ATF7IP: variants seen among roughly 807,000 people sequenced by gnomAD.
ATF7IP encodes the protein activating transcription factor 7-interacting protein 1.
A neutral mutation model predicts 106.4 loss-of-function variants in ATF7IP; 23 were observed. The ratio of observed to expected loss-of-function variants is 0.22; its 90% confidence interval spans 0.16 to 0.31. The LOEUF is 0.31. Ranked by LOEUF, ATF7IP falls within the 10% of genes least tolerant of loss-of-function variation. The pLI, the probability that ATF7IP is intolerant of heterozygous loss-of-function variation, is 1.00. For missense variants in ATF7IP, 1,334 were observed against 1,524.3 expected (o/e 0.88, Z 2.08); for synonymous variants, 542 against 539.0 (o/e 1.01, Z -0.08).
At chr12:14,464,375 A>T (rs1318731121) in intron 9 of ATF7IP, among the ~76,000 whole-genome samples, 1 of 152,184 alleles carries the variant, frequency 6.6e-6, no homozygotes, top group Non-Finnish European at 1.5e-5. Context: ...TATTTCTTCA[A>T]CCATTTCTTC....
intron 14 of ATF7IP, among the ~76,000 whole-genome samples, chr12:14,496,686 A>G (rs1020119413): frequency 5.9e-5 from 9 of 152,184 alleles, no homozygotes; most frequent in African/African-American, 2.2e-4. Context: ...TTCGTTCTAA[A>G]CTATGCCACA....
chr12:14,432,852 T>C (rs910323590), intron 2 of ATF7IP, among the ~76,000 whole-genome samples: 3 of 152,184 alleles, frequency 2.0e-5, no homozygotes, highest in Admixed American at 2.0e-4. Flanking sequence ...CAAGTTGCAA[T>C]GACGTAAGGG....
chr12:14,481,328 T>G, intron 13 of ATF7IP, 143 bp downstream of exon 13: 1 of 699,010 alleles, frequency 1.4e-6, no homozygotes, highest in East Asian at 2.7e-5. Context: ...TCAAGAGATC[T>G]GTACTACAAC....
chr12:14,421,342 G>T (rs146673707), intron 1 of ATF7IP, among the ~76,000 whole-genome samples: 2,018 of 152,178 alleles, frequency 0.013, 20 homozygotes, highest in Non-Finnish European at 0.019. Context: ...TTGTTTTGTG[G>T]TTTTCTTTTT....
intron 9 of ATF7IP, 170 bp from the exon 10 acceptor site, chr12:14,466,356 G>T: frequency 1.6e-6 from 1 of 622,406 alleles, no homozygotes. Context: ...AATCTGTATG[G>T]TATCTGAAAG....
chr12:14,425,186 T>C lies in ATF7IP; in HGVS notation c.1271T>C (p.Leu424Ser), dbSNP rs377580853. ...VIEDNKSENI[L>S]ENTDSMETDE... Reference sequence around the variant, plus strand: ...GAAGATAACAAAAGTGAGAATATCTTAGAAAATACAGACTCTATGGAGACA... The same window carrying C: ...GAAGATAACAAAAGTGAGAATATCTCAGAAAATACAGACTCTATGGAGACA... The change falls in exon 2 of 15, where the codon TTA (leucine) becomes TCA (serine). Residue 424 changes from leucine to serine, a missense_variant. Around this residue, in one of 10 missense-constraint regions of ATF7IP, gnomAD observed 438 missense variants for 405.3 expected, o/e 1.08. Coordinates refer to ENST00000261168, the MANE Select transcript of ATF7IP (RefSeq NM_018179.5). 4 of 1,596,936 alleles carry C rather than the reference T, an allele frequency of 2.5e-6. No homozygotes were observed. The highest frequency in any genetic ancestry group is 3.4e-6 in the Non-Finnish European group (4 of 1,175,356).
At chr12:14,451,867 G>C (rs936415207) in intron 6 of ATF7IP, among the ~76,000 whole-genome samples, 5 of 152,104 alleles carry the variant, frequency 3.3e-5, no homozygotes, top group African/African-American at 1.2e-4. Flanking sequence ...TGTCTGTTAG[G>C]TCCAATTAGC....
chr12:14,475,743 A>G lies in ATF7IP; in HGVS notation c.2863-147A>G, dbSNP rs1354728995. On this transcript the variant is annotated intron_variant, in intron 10 of 14. Transcript: ENST00000261168. Reference sequence around the variant, plus strand: ...GTATCCTGGGACATTTGTCTGACAAACTCTCTTTATTCAGGTACAGCCATT... The same window carrying G: ...GTATCCTGGGACATTTGTCTGACAAGCTCTCTTTATTCAGGTACAGCCATT... The G allele has an allele frequency of 7.1e-6, 4 of 565,788 alleles. No homozygotes were observed. The East Asian group carries it at 1.2e-4, about 17-fold the overall frequency. The allele number at this position is 565,788 out of a possible 1,614,324, so 35.0% of individuals were successfully genotyped here.
intron 1 of ATF7IP, among the ~76,000 whole-genome samples, chr12:14,388,804 T>C (rs1939389100): frequency 6.6e-6 from 1 of 152,084 alleles, no homozygotes; most frequent in African/African-American, 2.4e-5. Flanking sequence ...GCCACCAAGC[T>C]AATTTTTGTG....
chr12:14,432,356 T>A (rs550170539), intron 2 of ATF7IP, among the ~76,000 whole-genome samples: 1 of 152,132 alleles, frequency 6.6e-6, no homozygotes, highest in Admixed American at 6.5e-5. Flanking sequence ...CAGAAAGATA[T>A]GGAAAAATAT....
At chr12:14,465,916 A>C (rs1389007249) in intron 9 of ATF7IP, among the ~76,000 whole-genome samples, 1 of 152,174 alleles carries the variant, frequency 6.6e-6, no homozygotes, top group Non-Finnish European at 1.5e-5. Flanking sequence ...TAGGTGCAAA[A>C]AACCTTTGAT....
chr12:14,438,574 C>G (rs553029669), intron 5 of ATF7IP, among the ~76,000 whole-genome samples: 11 of 152,230 alleles, frequency 7.2e-5, no homozygotes, highest in Admixed American at 1.3e-4. Flanking sequence ...ACTGTAGCTT[C>G]TGTTGGTTTG....
rs960920870 is a variant in ATF7IP, at chr12:14,460,593, C to A, written c.2257C>A (p.Leu753Ile). The A allele has an allele frequency of 1.9e-6, 3 of 1,614,058 alleles. No individual in the cohort carries two copies. The Admixed American group carries it at 5.0e-5, about 27-fold the overall frequency. ...TSGSLTATSV[L>I]PAPNTATVVA... ...GGGTTCCCTCACAGCAACGTCAGTT[C>A]TTCCTGCACCCAATACAGCTACTGT... The change falls in exon 9 of 15, where the codon CTT becomes ATT. Residue 753 changes from leucine to isoleucine, a missense_variant. Leu to Ile is a conservative substitution (Grantham distance 5). This residue lies in a region of ATF7IP where 171 missense variants were observed against 172.6 expected (regional missense o/e 0.99). Transcript: ENST00000261168.
At chr12:14,468,550 A>G (rs1168047424) in intron 10 of ATF7IP, among the ~76,000 whole-genome samples, 1 of 151,680 alleles carries the variant, frequency 6.6e-6, no homozygotes, top group Non-Finnish European at 1.5e-5. Context: ...AAGCAAAGCA[A>G]TAGTACAAAT....
Position 14,496,324 on chromosome 12 carries a change from G to C in ATF7IP, c.3374G>C (p.Arg1125Pro). 1 of 1,612,998 alleles carries C rather than the reference G, an allele frequency of 6.2e-7. No homozygotes were observed. The highest frequency in any genetic ancestry group is 1.1e-5 in the South Asian group (1 of 90,986). ...STGPQLTVHHRPPQVHTEPPR... is the reference protein window; with the variant it reads ...STGPQLTVHHPPPQVHTEPPR... The stretch of plus-strand genomic sequence containing the variant: ...GGACCTCAGCTCACAGTGCATCACC[G>C]ACCACCACAAGTGCATACTGTAAGT... Residue 1125 changes from arginine (R) to proline (P), a missense_variant, in exon 14 of 15, where the codon CGA becomes CCA. Arg to Pro is a moderately radical substitution (Grantham distance 103). Around this residue, in one of 10 missense-constraint regions of ATF7IP, gnomAD observed 370 missense variants for 401.2 expected, o/e 0.92. Coordinates refer to ENST00000261168, the MANE Select transcript of ATF7IP (RefSeq NM_018179.5).
At chr12:14,422,002 T>C (rs997012589) in intron 1 of ATF7IP, among the ~76,000 whole-genome samples, 5 of 152,132 alleles carry the variant, frequency 3.3e-5, no homozygotes, top group African/African-American at 1.2e-4. Flanking sequence ...AACAGAATAA[T>C]GTAAATGACA....
At chr12:14,413,896 G>A (rs1343879087) in intron 1 of ATF7IP, among the ~76,000 whole-genome samples, 1 of 152,132 alleles carries the variant, frequency 6.6e-6, no homozygotes, top group African/African-American at 2.4e-5. Flanking sequence ...GAAGGAGTAA[G>A]CTGTTGTGTT....
At chr12:14,404,435 A>G (rs16909860) in intron 1 of ATF7IP, among the ~76,000 whole-genome samples, 2,107 of 152,262 alleles carry the variant, frequency 0.014, 64 homozygotes, top group African/African-American at 0.048. Context: ...TATCTTTATT[A>G]TTGCTTAAAC....
chr12:14,478,600 G>T, intron 12 of ATF7IP, 128 bp downstream of exon 12: 1 of 1,072,890 alleles, frequency 9.3e-7, no homozygotes. Flanking sequence ...TACAGTGCAT[G>T]TCCTTTTGAA....
Sources: gnomAD v4.1 joint callset for allele counts (sites outside exome capture counted in the v4.1 genomes callset) on GRCh38, gnomAD v4.1.1 for gene constraint, gnomAD v4.1.1 regional missense constraint, MANE v1.5 for transcripts, NCBI Gene and HGNC (gene_info 2026-07-23, HGNC 2026-07-21) for gene names.